Variants in CDH18 observed in about 807,000 individuals in gnomAD.
The protein encoded by CDH18 is cadherin 18, also known as cadherin-18.
Under a neutral mutation model 67.9 loss-of-function variants are expected in CDH18, and 31 were observed. The ratio of observed to expected loss-of-function variants is 0.46; its 90% CI spans 0.34 to 0.62. The LOEUF (loss-of-function observed/expected upper bound fraction) is 0.62. Ranked by LOEUF, CDH18 falls within the 20% of genes least tolerant of loss-of-function variation. The pLI is 0.01. For synonymous variants in CDH18, 362 were observed against 347.2 expected, an observed-to-expected ratio of 1.04 and a Z score of -0.48; for missense variants, 890 against 975.5, an observed-to-expected ratio of 0.91 and a Z score of 1.17.
intron 1 of CDH18, among the ~76,000 whole-genome samples, chr5:20,330,261 G>T (rs1324114023): frequency 6.6e-6 from 1 of 152,036 alleles, no homozygotes; most frequent in African/African-American, 2.4e-5. Flanking sequence ...TAAATTTTTT[G>T]AAGACAGTTG....
intron 1 of CDH18, among the ~76,000 whole-genome samples, chr5:20,388,672 T>A (rs568871954): frequency 9.5e-4 from 145 of 152,286 alleles, no homozygotes; most frequent in African/African-American, 3.3e-3. Context: ...GGGTGTCTAT[T>A]TTAGATCTTT....
At chr5:19,980,198 CT>C (rs1798893858) in intron 2 of CDH18, among the ~76,000 whole-genome samples, 4 of 143,622 alleles carry the variant, frequency 2.8e-5, no homozygotes, top group South Asian at 4.8e-4. Context: ...AACTCAACCC[CT>C]TTTACAACAG....
chr5:20,277,265 T>C (rs1440577232), intron 1 of CDH18, among the ~76,000 whole-genome samples: 2 of 152,054 alleles, frequency 1.3e-5, no homozygotes, highest in African/African-American at 2.4e-5. Flanking sequence ...CATGGGGTTG[T>C]TTGTGTCAAC....
intron 1 of CDH18, among the ~76,000 whole-genome samples, chr5:20,468,232 T>A (rs1422485746): frequency 6.6e-6 from 1 of 152,118 alleles, no homozygotes. Flanking sequence ...GTCAGGCTGG[T>A]CTTGAAATCC....
chr5:19,671,103 G>A (rs756182604), intron 5 of CDH18, among the ~76,000 whole-genome samples: 1 of 151,998 alleles, frequency 6.6e-6, no homozygotes, highest in Admixed American at 6.6e-5. Context: ...AGGTTTATAG[G>A]TAAGAAATAA....
chr5:20,249,573 A>G (rs2126588277), intron 2 of CDH18, among the ~76,000 whole-genome samples: 2 of 151,990 alleles, frequency 1.3e-5, no homozygotes, highest in East Asian at 3.9e-4. Flanking sequence ...TAGTAGAGAC[A>G]GGGTTTCACC....
intron 2 of CDH18, among the ~76,000 whole-genome samples, chr5:19,870,903 T>C (rs186070714): frequency 2.6e-5 from 4 of 152,328 alleles, no homozygotes; most frequent in Admixed American, 6.5e-5. Context: ...CTTTTCTTTG[T>C]ATGCTTCTAC....
chr5:19,952,034 T>C lies in CDH18; in HGVS notation c.-257+29026A>G, dbSNP rs577168075. Among the ~76,000 whole-genome samples the C allele has an allele frequency of 7.9e-4, 120 of 152,154 alleles. 1 individual carries two copies. Among genetic ancestry groups the C allele is most frequent in the African/African-American group, 2.8e-3 (116 of 41,516 alleles). On this transcript the variant is annotated intron_variant, in intron 2 of 12. Transcript: ENST00000382275. ...TCTATGTAATTATCCTAATTATACTTTTCCAATTTATTTTATTTATTTATT... is the reference window on the plus strand; with the variant it reads ...TCTATGTAATTATCCTAATTATACTCTTCCAATTTATTTTATTTATTTATT...
chr5:19,665,536 T>C (rs555919281), intron 5 of CDH18, among the ~76,000 whole-genome samples: 14 of 152,230 alleles, frequency 9.2e-5, no homozygotes, highest in African/African-American at 3.1e-4. Flanking sequence ...GATCTGAGAA[T>C]AGATTCCTTG....
intron 12 of CDH18, among the ~76,000 whole-genome samples, chr5:19,480,693 G>T (rs973925730): frequency 4.6e-5 from 7 of 151,840 alleles, no homozygotes; most frequent in African/African-American, 1.7e-4. Flanking sequence ...GTTTCTAAAG[G>T]CTCTTTTCCT....
chr5:20,384,421 T>G (rs1170489503), intron 1 of CDH18, among the ~76,000 whole-genome samples: 1 of 152,188 alleles, frequency 6.6e-6, no homozygotes, highest in East Asian at 1.9e-4. Context: ...CAGGATTTTC[T>G]TTTTTATAAG....
intron 2 of CDH18, among the ~76,000 whole-genome samples, chr5:19,930,629 A>G (rs1336291410): frequency 6.6e-6 from 1 of 151,994 alleles, no homozygotes; most frequent in Non-Finnish European, 1.5e-5. Flanking sequence ...GAGAAGATAA[A>G]TAAAAGGGTA....
chr5:19,479,572 A>C (rs1739050245), intron 12 of CDH18, among the ~76,000 whole-genome samples: 1 of 152,178 alleles, frequency 6.6e-6, no homozygotes, highest in Non-Finnish European at 1.5e-5. Flanking sequence ...GTTGAAACTT[A>C]AATATGCTTT....
At chr5:20,101,850 G>A (rs1157174672) in intron 2 of CDH18, among the ~76,000 whole-genome samples, 1 of 152,116 alleles carries the variant, frequency 6.6e-6, no homozygotes, top group Admixed American at 6.5e-5. Context: ...GAGGCGGGCG[G>A]GTCACAAGGT....
chr5:19,865,573 G>A (rs534735818), intron 2 of CDH18, among the ~76,000 whole-genome samples: 10 of 152,084 alleles, frequency 6.6e-5, no homozygotes, highest in African/African-American at 2.2e-4. Flanking sequence ...AACCATCCCT[G>A]CTTGTTCCCA....
intron 1 of CDH18, among the ~76,000 whole-genome samples, chr5:20,446,091 G>T (rs1749978561): frequency 6.6e-6 from 1 of 152,040 alleles, no homozygotes; most frequent in African/African-American, 2.4e-5. Context: ...GCCCACTCAG[G>T]GAGCAAAATC....
intron 5 of CDH18, among the ~76,000 whole-genome samples, chr5:19,624,177 T>C (rs1751158684): frequency 6.6e-6 from 1 of 151,900 alleles, no homozygotes; most frequent in Admixed American, 6.6e-5. Flanking sequence ...CCAGCTAATT[T>C]TGTATTTTTA....
intron 2 of CDH18, among the ~76,000 whole-genome samples, chr5:19,908,275 C>T (rs949017616): frequency 6.6e-6 from 1 of 151,918 alleles, no homozygotes; most frequent in East Asian, 1.9e-4. Flanking sequence ...AGAATTTTGG[C>T]GTGTTATAGT....
chr5:19,655,693 C>G (rs1340823786), intron 5 of CDH18, among the ~76,000 whole-genome samples: 2 of 152,024 alleles, frequency 1.3e-5, no homozygotes, highest in African/African-American at 2.4e-5. Context: ...CTTAAGTTTT[C>G]CTCCTGAATA....
Sources: gnomAD v4.1 joint callset for allele counts (sites outside exome capture counted in the v4.1 genomes callset) on GRCh38, gnomAD v4.1.1 for gene constraint, MANE v1.5 for transcripts, NCBI Gene and HGNC (gene_info 2026-07-23, HGNC 2026-07-21) for gene names.